LINGO2: variants seen among roughly 807,000 people sequenced by gnomAD.
LINGO2 encodes leucine-rich repeat and immunoglobulin-like domain-containing nogo receptor-interacting protein 2.
A neutral mutation model predicts 30.6 loss-of-function variants in LINGO2; 14 were observed. The ratio of observed to expected loss-of-function variants is 0.46; its 90% CI spans 0.30 to 0.72. LINGO2 has a LOEUF of 0.72. Among genes scored for constraint, LINGO2 ranks in the 30% least tolerant of loss-of-function variants. The pLI is 0.07. For missense variants in LINGO2, 729 were observed against 751.7 expected (o/e 0.97, Z 0.35); for synonymous variants, 317 against 288.5 (o/e 1.10, Z -1.00).
the LINGO2 span, among the ~76,000 whole-genome samples, chr9:28,940,876 G>A: frequency 0.74 from 112,383 of 151,898 alleles, 41,727 homozygotes; most frequent in Non-Finnish European, 0.78. Context: ...AAGATTTTGA[G>A]GAGTCTAGAG....
At chr9:29,101,586 TA>T in the LINGO2 span, among the ~76,000 whole-genome samples, 1 of 152,134 alleles carries the variant, frequency 6.6e-6, no homozygotes, top group Non-Finnish European at 1.5e-5. Context: ...CAGCCTTGGG[TA>T]ACCATCCTTC....
chr9:28,171,557 A>G (rs1213050783), intron 4 of LINGO2, among the ~76,000 whole-genome samples: 1 of 152,224 alleles, frequency 6.6e-6, no homozygotes, highest in Non-Finnish European at 1.5e-5. Flanking sequence ...GGGCATGGAC[A>G]GAAGTCCCCA....
At chr9:28,237,121 G>GGC in intron 4 of LINGO2, among the ~76,000 whole-genome samples, 1 of 141,270 alleles carries the variant, frequency 7.1e-6, no homozygotes, top group African/African-American at 2.7e-5. Context: ...ACAGTGCGGG[G>GGC]GGGGGGTAAA....
chr9:28,292,324 G>A (rs1823759765), intron 4 of LINGO2, among the ~76,000 whole-genome samples: 2 of 151,940 alleles, frequency 1.3e-5, no homozygotes, highest in South Asian at 4.1e-4. Context: ...AACTCACATG[G>A]GCATTTTATG....
At chr9:29,137,810 C>T in the LINGO2 span, among the ~76,000 whole-genome samples, 1 of 152,024 alleles carries the variant, frequency 6.6e-6, no homozygotes, top group African/African-American at 2.4e-5. Flanking sequence ...GGCTCCCTTC[C>T]TGTGTTCTCA....
At chr9:28,259,771 G>C (rs1053965659) in intron 4 of LINGO2, among the ~76,000 whole-genome samples, 1 of 151,768 alleles carries the variant, frequency 6.6e-6, no homozygotes, top group African/African-American at 2.4e-5. Flanking sequence ...ACTCAGAAAG[G>C]AACACTAAAG....
At chr9:28,007,404 A>T (rs1822320207) in intron 5 of LINGO2, among the ~76,000 whole-genome samples, 1 of 152,192 alleles carries the variant, frequency 6.6e-6, no homozygotes, top group South Asian at 2.1e-4. Flanking sequence ...TCCAGTACCA[A>T]GTAAAGGCTT....
chr9:29,183,034 A>G, the LINGO2 span, among the ~76,000 whole-genome samples: 55 of 152,344 alleles, frequency 3.6e-4, no homozygotes, highest in South Asian at 2.5e-3. Context: ...AAACAATGCA[A>G]AATAAAACTA....
chr9:28,901,572 TA>T, the LINGO2 span, among the ~76,000 whole-genome samples: 10 of 151,686 alleles, frequency 6.6e-5, no homozygotes, highest in African/African-American at 1.5e-4. Context: ...AATGTATGCA[TA>T]GGGGGTGTAA....
intron 2 of LINGO2, among the ~76,000 whole-genome samples, chr9:28,412,908 C>A (rs574017933): frequency 1.3e-5 from 2 of 152,164 alleles, no homozygotes; most frequent in Non-Finnish European, 2.9e-5. Flanking sequence ...GACAGCAAGA[C>A]TAACTCCTCC....
chr9:28,779,077 T>C, the LINGO2 span, among the ~76,000 whole-genome samples: 1 of 152,194 alleles, frequency 6.6e-6, no homozygotes, highest in Admixed American at 6.5e-5. Flanking sequence ...CTTTAAAACT[T>C]ACAAATGGCT....
intron 2 of LINGO2, among the ~76,000 whole-genome samples, chr9:28,416,101 C>G (rs1822955833): frequency 6.6e-6 from 1 of 152,034 alleles, no homozygotes; most frequent in Non-Finnish European, 1.5e-5. Flanking sequence ...TTATCAAAAT[C>G]TTAGGCAAAA....
the LINGO2 span, among the ~76,000 whole-genome samples, chr9:29,048,429 C>G: frequency 2.0e-5 from 3 of 151,084 alleles, no homozygotes; most frequent in African/African-American, 7.3e-5. Context: ...GCAATCCCTA[C>G]CAGAAAAACA....
intron 1 of LINGO2, among the ~76,000 whole-genome samples, chr9:28,626,019 C>G (rs1417392370): frequency 6.6e-6 from 1 of 151,140 alleles, no homozygotes; most frequent in Non-Finnish European, 1.5e-5. Flanking sequence ...ACAAAAAAAA[C>G]TACAAATTGT....
intron 4 of LINGO2, among the ~76,000 whole-genome samples, chr9:28,040,581 T>C (rs12346466): frequency 0.035 from 5,347 of 152,210 alleles, 285 homozygotes; most frequent in African/African-American, 0.11. Flanking sequence ...AATAAATCCA[T>C]TGTTCCAATA....
chr9:28,863,056 A>G, the LINGO2 span, among the ~76,000 whole-genome samples: 86 of 152,116 alleles, frequency 5.7e-4, no homozygotes, highest in African/African-American at 2.0e-3. Context: ...ATGAATGCCC[A>G]GTGAATACCT....
chr9:28,669,553 A>G (rs1828935733), intron 1 of LINGO2, among the ~76,000 whole-genome samples: 1 of 152,130 alleles, frequency 6.6e-6, no homozygotes, highest in South Asian at 2.1e-4. Context: ...TGGAAGAAAT[A>G]TGAAAATACA....
chr9:27,945,177 C>G (rs544425053), downstream of LINGO2, among the ~76,000 whole-genome samples: 24 of 152,202 alleles, frequency 1.6e-4, no homozygotes, highest in African/African-American at 5.8e-4. Context: ...CCTGGAAATA[C>G]AAGTTAATTT....
chr9:28,507,212 A>AGTGTGTGTGT (rs74182511), intron 1 of LINGO2, among the ~76,000 whole-genome samples: 2,180 of 148,978 alleles, frequency 0.015, 53 homozygotes, highest in African/African-American at 0.049. Context: ...ATTTCAGAGG[A>AGTGTGTGTGT]GTGTGTGTGT....
Sources: allele counts gnomAD v4.1 joint callset (sites outside exome capture counted in the v4.1 genomes callset), GRCh38; gene constraint gnomAD v4.1.1; transcripts MANE v1.5; gene names NCBI Gene and HGNC (gene_info 2026-07-23, HGNC 2026-07-21).